The following PTPN4 variants were observed in gnomAD, a reference collection of about 807,000 sequenced individuals.
PTPN4 encodes the protein tyrosine-protein phosphatase non-receptor type 4.
PTPN4 carries 49 observed loss-of-function variants against 135.5 expected under a neutral mutation model. The observed-to-expected ratio is 0.36, with a 90% confidence interval of 0.29 to 0.46. The LOEUF (loss-of-function observed/expected upper bound fraction) is 0.46, where lower values mean the gene tolerates loss of function less well. PTPN4 is among the 20% of genes least tolerant of loss of function. The pLI, the probability that PTPN4 is intolerant of heterozygous loss-of-function variation, is 1.00. For missense variants in PTPN4, 860 were observed against 1,101.0 expected (o/e 0.78, Z 3.10); for synonymous variants, 333 against 369.9 (o/e 0.90, Z 1.14).
At chr2:119,840,870 A>G (rs1178195124) in intron 2 of PTPN4, among the ~76,000 whole-genome samples, 1 of 152,142 alleles carries the variant, frequency 6.6e-6, no homozygotes, top group African/African-American at 2.4e-5. Context: ...GGCCGCATGT[A>G]TGTCTTCTTT....
rs76723123 is a variant in PTPN4, at chr2:119,956,825, C to CTTT, written c.1981-5_1981-3dup. On this transcript the variant is annotated intron_variant, in intron 20 of 26. Coordinates refer to ENST00000263708, the MANE Select transcript of PTPN4 (RefSeq NM_002830.4). Reference sequence around the variant, plus strand: ...TTTATGGCTTTTGTTGGAATTGTACCTTTTTTTTTTTTTTTTAGCAACTGT... The same window carrying CTTT: ...TTTATGGCTTTTGTTGGAATTGTACCTTTTTTTTTTTTTTTTTTTAGCAACTGT... 326 of 1,505,548 alleles carry CTTT rather than the reference C, an allele frequency of 2.2e-4. No homozygotes were observed. Among genetic ancestry groups the CTTT allele is most frequent in the South Asian group, 8.5e-4 (67 of 78,938 alleles). The allele number at this position is 1,505,548 out of a possible 1,614,324, so 93.3% of individuals were successfully genotyped here.
At chr2:119,915,532 G>A (rs969872436) in intron 11 of PTPN4, 1 of 202,924 alleles carries the variant, frequency 4.9e-6, no homozygotes, top group Non-Finnish European at 9.8e-6. Flanking sequence ...TTTTTGAAGG[G>A]CAGCAAATGA....
Position 119,809,893 on chromosome 2 carries a change from A to G in PTPN4, c.40A>G (p.Asn14Asp), listed in dbSNP as rs775350769. Reference sequence around the variant, plus strand: ...CCGATTGCCTGCTGGCAGAACCTACAATGTACGAGCATCAGAGTTGGCCCG... The same window carrying G: ...CCGATTGCCTGCTGGCAGAACCTACGATGTACGAGCATCAGAGTTGGCCCG... ...RFRLPAGRTY[N>D]VRASELARDR... The change falls in exon 2 of 27, where the codon AAT (asparagine) becomes GAT (aspartate). Residue 14 changes from asparagine to aspartate, a missense_variant. Asn to Asp is a conservative substitution (Grantham distance 23). This residue lies in a region of PTPN4 where 684 missense variants were observed against 807.0 expected (regional missense o/e 0.85). Coordinates refer to ENST00000263708, the MANE Select transcript of PTPN4 (RefSeq NM_002830.4). 9 of 1,613,392 alleles carry G rather than the reference A, an allele frequency of 5.6e-6. No homozygotes were observed. The highest frequency in any genetic ancestry group is 7.6e-6 in the Non-Finnish European group (9 of 1,179,750).
intron 2 of PTPN4, among the ~76,000 whole-genome samples, chr2:119,862,068 G>A (rs1173094438): frequency 1.3e-5 from 2 of 151,898 alleles, no homozygotes. Context: ...AGAATAAAAG[G>A]CATAACAAAA....
chr2:119,877,834 T>C (rs760210771), intron 5 of PTPN4, among the ~76,000 whole-genome samples: 10 of 152,134 alleles, frequency 6.6e-5, no homozygotes, highest in South Asian at 2.1e-4. Flanking sequence ...TATAATTAAT[T>C]GAGGTCATCA....
intron 15 of PTPN4, among the ~76,000 whole-genome samples, chr2:119,938,701 G>A (rs1363298111): frequency 1.3e-5 from 2 of 152,034 alleles, no homozygotes; most frequent in Non-Finnish European, 2.9e-5. Flanking sequence ...ATTTAAAATA[G>A]TCATATTCTG....
chr2:119,919,360 T>C (rs909091077), intron 11 of PTPN4, among the ~76,000 whole-genome samples: 2 of 152,236 alleles, frequency 1.3e-5, no homozygotes, highest in African/African-American at 4.8e-5. Flanking sequence ...GACAGATATT[T>C]TAAATTAGGA....
chr2:119,792,078 A>G (rs1293469612), intron 1 of PTPN4, among the ~76,000 whole-genome samples: 2 of 152,016 alleles, frequency 1.3e-5, no homozygotes, highest in East Asian at 3.9e-4. Flanking sequence ...GTCTGTTCGA[A>G]TCTGCTGTTG....
In PTPN4 at chr2:119,965,560, G is replaced by T. The variant is rs749332849; in HGVS notation, c.2473G>T (p.Asp825Tyr). The T allele has an allele frequency of 6.2e-7, 1 of 1,613,670 alleles. No homozygotes were observed. Among genetic ancestry groups the T allele is most frequent in the African/African-American group, 1.3e-5 (1 of 75,044 alleles). Residue 825 changes from aspartate to tyrosine, a missense_variant, in exon 25 of 27, where the codon GAT (aspartate) becomes TAT (tyrosine). Coordinates refer to ENST00000263708, the MANE Select transcript of PTPN4 (RefSeq NM_002830.4). ...AGCCTGGCCTGACCATGGAGTCCCTGATGATTCGAGTGACTTTCTAGATTT... is the reference window on the plus strand; with the variant it reads ...AGCCTGGCCTGACCATGGAGTCCCTTATGATTCGAGTGACTTTCTAGATTT... ...YIAWPDHGVP[D>Y]DSSDFLDFVC...
At chr2:119,843,147 A>C (rs1052380232) in intron 2 of PTPN4, among the ~76,000 whole-genome samples, 1 of 152,174 alleles carries the variant, frequency 6.6e-6, no homozygotes, top group African/African-American at 2.4e-5. Context: ...AATTTTAAAC[A>C]AATAAACTAA....
intron 13 of PTPN4, 66 bp from the exon 14 acceptor site, chr2:119,932,358 G>A (rs116070201): frequency 0.028 from 39,058 of 1,394,328 alleles, 700 homozygotes; most frequent in Non-Finnish European, 0.032. Context: ...CAAATTGTAG[G>A]ATTTGATTCA....
rs148329372 is a variant in PTPN4, at chr2:119,939,135, G to T, written c.1355+4177G>T. 3.6e-3 allele frequency among the ~76,000 whole-genome samples: 547 copies of T among 152,244 alleles called. 3 individuals are homozygous for T. Among genetic ancestry groups the T allele is most frequent in the African/African-American group, 0.013 (525 of 41,536 alleles). On this transcript the variant is annotated intron_variant, in intron 15 of 26. Coordinates refer to ENST00000263708, the MANE Select transcript of PTPN4 (RefSeq NM_002830.4). ...TAGCTTTTTTCAGTTAAGCTCTTGG[G>T]ATATATTCCAACAACTTTTAATATA...
intron 24 of PTPN4, among the ~76,000 whole-genome samples, 184 bp downstream of exon 24, chr2:119,962,928 T>C (rs1679389593): frequency 6.6e-6 from 1 of 152,186 alleles, no homozygotes; most frequent in Non-Finnish European, 1.5e-5. Context: ...TATTATAAAA[T>C]TAATGTTTTT....
intron 10 of PTPN4, among the ~76,000 whole-genome samples, chr2:119,906,475 G>T (rs1417411127): frequency 6.6e-6 from 1 of 152,186 alleles, no homozygotes; most frequent in East Asian, 1.9e-4. Flanking sequence ...TGATCAAGTG[G>T]AGTTTATTTC....
chr2:119,793,622 GTT>G (rs1691192738), intron 1 of PTPN4, among the ~76,000 whole-genome samples: 5 of 152,120 alleles, frequency 3.3e-5, no homozygotes, highest in Admixed American at 3.3e-4. Flanking sequence ...CACAGTTTAT[GTT>G]TAGAGATTGT....
intron 1 of PTPN4, among the ~76,000 whole-genome samples, chr2:119,792,625 C>G (rs1261485603): frequency 6.6e-6 from 1 of 152,158 alleles, no homozygotes; most frequent in Non-Finnish European, 1.5e-5. Flanking sequence ...TGAATTTTGC[C>G]AAGTTAAACT....
intron 3 of PTPN4, among the ~76,000 whole-genome samples, chr2:119,865,261 C>T (rs1199494690): frequency 3.3e-5 from 5 of 151,924 alleles, no homozygotes; most frequent in African/African-American, 9.7e-5. Context: ...GGATAATTAA[C>T]GGACTGAAGG....
At chr2:119,919,919 C>T in intron 11 of PTPN4, 150 bp from the exon 12 acceptor site, 1 of 1,034,804 alleles carries the variant, frequency 9.7e-7, no homozygotes. Flanking sequence ...CAAAAAAGAT[C>T]CTAGATAAAA....
chr2:119,801,763 AACTT>A (rs1691373883), intron 1 of PTPN4, among the ~76,000 whole-genome samples: 1 of 152,166 alleles, frequency 6.6e-6, no homozygotes, highest in Admixed American at 6.5e-5. Context: ...GACCTCGCTG[AACTT>A]ACTTATTAGT....
Sources: allele counts gnomAD v4.1 joint callset (sites outside exome capture counted in the v4.1 genomes callset), GRCh38; gene constraint gnomAD v4.1.1; regional missense constraint gnomAD v4.1.1; transcripts MANE v1.5; gene names NCBI Gene and HGNC (gene_info 2026-07-23, HGNC 2026-07-21).